PARD3: variants seen among roughly 807,000 people sequenced by gnomAD.
The protein encoded by PARD3 is par-3 family cell polarity regulator.
Under a neutral mutation model 155.4 loss-of-function variants are expected in PARD3, and 75 were observed. The ratio of observed to expected loss-of-function variants is 0.48; its 90% CI spans 0.40 to 0.58. PARD3 has a LOEUF of 0.58. Among genes scored for constraint, PARD3 ranks in the 20% least tolerant of loss-of-function variants. The pLI, the probability that PARD3 is intolerant of heterozygous loss-of-function variation, is 0.00. For missense variants in PARD3, 1,642 were observed against 1,721.7 expected, an observed-to-expected ratio of 0.95 and a Z score of 0.82; for synonymous variants, 576 against 610.5, an observed-to-expected ratio of 0.94 and a Z score of 0.83.
At chr10:34,780,119 C>G (rs940513188) in intron 1 of PARD3, among the ~76,000 whole-genome samples, 1 of 152,206 alleles carries the variant, frequency 6.6e-6, no homozygotes, top group Non-Finnish European at 1.5e-5. Context: ...CATTTTAACT[C>G]TGCTTCTTTT....
chr10:34,271,572 C>T (rs894535091), intron 21 of PARD3, among the ~76,000 whole-genome samples: 3 of 152,156 alleles, frequency 2.0e-5, no homozygotes, highest in African/African-American at 7.2e-5. Context: ...AGAGCATCTA[C>T]CAAAAACCGA....
intron 22 of PARD3, among the ~76,000 whole-genome samples, chr10:34,224,266 A>T (rs957121324): frequency 6.6e-6 from 1 of 152,250 alleles, no homozygotes; most frequent in Admixed American, 6.5e-5. Context: ...TTAAGTTGAC[A>T]ATATGGAAAG....
chr10:34,433,484 GC>G (rs2076046588), intron 5 of PARD3, among the ~76,000 whole-genome samples: 1 of 152,110 alleles, frequency 6.6e-6, no homozygotes, highest in South Asian at 2.1e-4. Context: ...CAAAGTCTCA[GC>G]CAGAAGTTTA....
chr10:34,545,915 A>G (rs2084008408), intron 2 of PARD3, among the ~76,000 whole-genome samples: 1 of 152,226 alleles, frequency 6.6e-6, no homozygotes, highest in Admixed American at 6.5e-5. Flanking sequence ...CCATAGGCAT[A>G]GAAAGGCAAA....
chr10:34,758,058 C>G (rs1376392994), intron 1 of PARD3, among the ~76,000 whole-genome samples: 3 of 152,176 alleles, frequency 2.0e-5, no homozygotes, highest in Non-Finnish European at 4.4e-5. Flanking sequence ...TTTGCAAGCA[C>G]TCAAAGTATT....
Position 34,809,817 on chromosome 10 carries a change from T to TA in PARD3, c.120+5058dup, listed in dbSNP as rs199549489. On this transcript the variant is annotated intron_variant, in intron 1 of 24. Coordinates refer to ENST00000374788, the MANE Select transcript of PARD3 (RefSeq NM_001184785.2). The stretch of plus-strand genomic sequence containing the variant: ...TTTTTAGAGGGAAGGCAGAAAATGT[T>TA]AAAAAAATAAATAAATAAATAAAGC... Among the ~76,000 whole-genome samples the TA allele has an allele frequency of 2.0e-3, 307 of 152,204 alleles. 1 individual carries two copies. The highest frequency in any genetic ancestry group is 6.2e-3 in the African/African-American group (256 of 41,488).
intron 17 of PARD3, 173 bp from the exon 18 acceptor site, chr10:34,336,416 T>C: frequency 1.8e-6 from 1 of 563,042 alleles, no homozygotes. Flanking sequence ...AAAAAAGCAG[T>C]GTCTCCATGC....
At chr10:34,549,783 G>C (rs1469694459) in intron 2 of PARD3, among the ~76,000 whole-genome samples, 13 of 152,028 alleles carry the variant, frequency 8.6e-5, no homozygotes, top group Non-Finnish European at 1.5e-5. Flanking sequence ...CACCATGTCT[G>C]TCTTTAGATG....
At position 34,814,953 on chromosome 10, in the gene PARD3, G is replaced by A; in HGVS notation, c.43C>T (p.Pro15Ser). ...VCFGRTRVVV[P>S]CGDGHMKVFS... ...ACTTTCATGTGGCCGTCCCCGCACG[G>A]CACGACCACCCGGGTCCGTCCGAAG... is the stretch of plus-strand genomic sequence containing the variant. The change falls in exon 1 of 25, where the codon CCG (proline) becomes TCG (serine). Residue 15 changes from proline (P) to serine (S), a missense_variant. Coordinates refer to ENST00000374788, the MANE Select transcript of PARD3 (RefSeq NM_001184785.2). The A allele has an allele frequency of 1.3e-6, 2 of 1,562,808 alleles. No homozygotes were observed. The highest frequency in any genetic ancestry group is 1.8e-5 in the Admixed American group (1 of 55,626).
At chr10:34,554,722 T>C (rs1195847479) in intron 2 of PARD3, among the ~76,000 whole-genome samples, 4 of 152,196 alleles carry the variant, frequency 2.6e-5, no homozygotes, top group African/African-American at 9.6e-5. Context: ...ACAGTATTGG[T>C]GCTCATTTTT....
At chr10:34,572,506 G>T (rs2086501276) in intron 2 of PARD3, among the ~76,000 whole-genome samples, 1 of 149,676 alleles carries the variant, frequency 6.7e-6, no homozygotes, top group South Asian at 2.1e-4. Flanking sequence ...CAGGTGTGGT[G>T]GGTGCGCCTG....
At chr10:34,274,580 T>C (rs1277706270) in intron 21 of PARD3, among the ~76,000 whole-genome samples, 1 of 152,188 alleles carries the variant, frequency 6.6e-6, no homozygotes, top group Admixed American at 6.5e-5. Flanking sequence ...TCATAGGTAA[T>C]ATCCAGGGTA....
At chr10:34,127,464 C>G (rs141094509) in intron 23 of PARD3, among the ~76,000 whole-genome samples, 4 of 152,196 alleles carry the variant, frequency 2.6e-5, no homozygotes, top group Admixed American at 6.5e-5. Flanking sequence ...TATATGGTAC[C>G]AAGTATTCCT....
intron 7 of PARD3, among the ~76,000 whole-genome samples, chr10:34,396,042 G>A (rs1349061013): frequency 6.6e-6 from 1 of 151,998 alleles, no homozygotes; most frequent in Non-Finnish European, 1.5e-5. Context: ...AGTAAGCAGT[G>A]CAAGATTCTT....
intron 22 of PARD3, among the ~76,000 whole-genome samples, chr10:34,157,128 C>T (rs1003335912): frequency 5.3e-5 from 8 of 151,970 alleles, no homozygotes; most frequent in South Asian, 2.1e-4. Context: ...AAAGAACACG[C>T]GTTATCAAGG....
At chr10:34,418,677 T>C (rs1845899537) in intron 5 of PARD3, among the ~76,000 whole-genome samples, 1 of 152,238 alleles carries the variant, frequency 6.6e-6, no homozygotes, top group South Asian at 2.1e-4. Flanking sequence ...AGTGACTAAC[T>C]TCAAATCACT....
intron 1 of PARD3, among the ~76,000 whole-genome samples, chr10:34,698,221 GATC>G (rs2094209653): frequency 6.6e-6 from 1 of 152,130 alleles, no homozygotes; most frequent in African/African-American, 2.4e-5. Flanking sequence ...CTCCAGATGA[GATC>G]ATTATCTGCA....
chr10:34,670,264 G>A (rs151321372), intron 2 of PARD3, among the ~76,000 whole-genome samples: 2 of 152,314 alleles, frequency 1.3e-5, no homozygotes, highest in African/African-American at 2.4e-5. Context: ...CACAAGGGAC[G>A]CCTTCACGAA....
chr10:34,521,190 CATT>C (rs149158718), intron 2 of PARD3, among the ~76,000 whole-genome samples: 266 of 152,058 alleles, frequency 1.7e-3, no homozygotes, highest in African/African-American at 5.4e-3. Flanking sequence ...TTTTAGAAAA[CATT>C]ATAGAACCAC....
Sources: gnomAD v4.1 joint callset for allele counts (sites outside exome capture counted in the v4.1 genomes callset) on GRCh38, gnomAD v4.1.1 for gene constraint, MANE v1.5 for transcripts, NCBI Gene and HGNC (gene_info 2026-07-23, HGNC 2026-07-21) for gene names.